Variants in VPS39 observed in about 807,000 individuals in gnomAD.
VPS39 encodes VPS39 subunit of HOPS complex.
A neutral mutation model predicts 121.0 loss-of-function variants in VPS39; 70 were observed. The ratio of observed to expected loss-of-function variants is 0.58; its 90% confidence interval spans 0.48 to 0.71. The LOEUF (loss-of-function observed/expected upper bound fraction) is 0.71. VPS39 is among the 30% of genes least tolerant of loss of function. The pLI is 0.00. For missense variants in VPS39, 818 were observed against 1,051.5 expected (o/e 0.78, Z 3.07); for synonymous variants, 378 against 398.1 (o/e 0.95, Z 0.60).
intron 11 of VPS39, 141 bp from the exon 12 acceptor site, chr15:42,170,007 A>C: frequency 2.0e-6 from 2 of 1,000,964 alleles, no homozygotes; most frequent in South Asian, 2.6e-5. Context: ...TAAACATTCA[A>C]CGAGCTGTAG....
intron 17 of VPS39, 171 bp from the exon 18 acceptor site, chr15:42,165,284 G>A (rs1329010000): frequency 4.8e-6 from 3 of 631,060 alleles, no homozygotes; most frequent in Non-Finnish European, 8.4e-6. Context: ...GTTTCACAAT[G>A]CGACCCAGTA....
At position 42,162,496 on chromosome 15, in the gene VPS39, C is replaced by T. The variant is rs1301916394; in HGVS notation, c.2176-15G>A. 4 of 1,582,262 alleles carry T rather than the reference C, an allele frequency of 2.5e-6. No homozygotes were observed. In the African/African-American group the frequency reaches 4.0e-5, roughly 16 times the overall value. On this transcript the variant is annotated splice_polypyrimidine_tract_variant and intron_variant, in intron 21 of 24. Coordinates refer to ENST00000318006, the MANE Select transcript of VPS39 (RefSeq NM_015289.5). ...GACAGATACACCTGTCTCAGAGAGACATGAGCTACGTCAGGCTGGCAGCAA... is the reference window on the plus strand; with the variant it reads ...GACAGATACACCTGTCTCAGAGAGATATGAGCTACGTCAGGCTGGCAGCAA...
Position 42,187,820 on chromosome 15 carries a change from CA to C in VPS39, c.378del (p.Cys126TrpfsTer4). ...AGCTGCAGCTTCTTTTTTACTGCCA[CA>C]CACATCCGTAACACCTCCTCACCGG... is the stretch of plus-strand genomic sequence containing the variant. ...TETGEEVLRM[C>X]VAVKKKLQLY... On this transcript the variant is annotated frameshift_variant, in exon 6 of 25. Coordinates refer to ENST00000318006, the MANE Select transcript of VPS39 (RefSeq NM_015289.5). LOFTEE classifies it high-confidence loss of function. 1 of 1,614,188 alleles carries C rather than the reference CA, an allele frequency of 6.2e-7. No homozygotes were observed. Among genetic ancestry groups the C allele is most frequent in the Non-Finnish European group, 8.5e-7 (1 of 1,180,032 alleles).
At chr15:42,166,023 C>T (rs1294504014) in intron 16 of VPS39, 136 bp downstream of exon 16, 2 of 1,038,950 alleles carry the variant, frequency 1.9e-6, no homozygotes, top group Non-Finnish European at 1.5e-6. Flanking sequence ...CTGGCTCGCG[C>T]TTCCCAGTCC....
At chr15:42,169,590 C>T (rs1473169226) in intron 12 of VPS39, 134 bp downstream of exon 12, 29 of 1,005,464 alleles carry the variant, frequency 2.9e-5, no homozygotes, top group Non-Finnish European at 3.8e-5. Context: ...AGAAACTTTA[C>T]CCCAGGCAGA....
chr15:42,207,291 T>C (rs2140898488), intron 1 of VPS39, among the ~76,000 whole-genome samples: 1 of 152,310 alleles, frequency 6.6e-6, no homozygotes, highest in Non-Finnish European at 1.5e-5. Flanking sequence ...AGAGGAAAGT[T>C]AGAAATGATT....
chr15:42,179,815 C>G (rs2049544249), intron 8 of VPS39, among the ~76,000 whole-genome samples: 1 of 152,024 alleles, frequency 6.6e-6, no homozygotes, highest in African/African-American at 2.4e-5. Flanking sequence ...TATTCCCTCC[C>G]CAACTTATGC....
At chr15:42,166,491 A>T (rs2049244905) in intron 15 of VPS39, 72 bp downstream of exon 15, 1 of 1,551,114 alleles carries the variant, frequency 6.4e-7, no homozygotes. Flanking sequence ...AACCAACCAG[A>T]AACAGAAACA....
At chr15:42,186,673 T>C (rs900494928) in intron 7 of VPS39, among the ~76,000 whole-genome samples, 1 of 152,218 alleles carries the variant, frequency 6.6e-6, no homozygotes, top group Non-Finnish European at 1.5e-5. Context: ...AACAATTGTA[T>C]AGCATAGTAT....
intron 8 of VPS39, among the ~76,000 whole-genome samples, chr15:42,180,131 CTG>C (rs3035817): frequency 0.13 from 19,862 of 152,124 alleles, 1,580 homozygotes; most frequent in South Asian, 0.24. Context: ...ATTACCTAGT[CTG>C]TGGTATTCTG....
In VPS39 at chr15:42,160,405, A is replaced by G; in HGVS notation, c.*349T>C. 3.5e-6 allele frequency: 1 copy of G among 286,906 alleles called. No homozygotes were observed. The highest frequency in any genetic ancestry group is 6.8e-6 in the Non-Finnish European group (1 of 146,678). 17.8% of individuals were successfully genotyped at this position (286,906 alleles called of 1,614,324 possible). A position where few individuals can be genotyped will look rare whatever the true frequency, so the allele number is the denominator to read the frequency against. On this transcript the variant is annotated 3_prime_UTR_variant, in exon 25 of 25. Transcript: ENST00000318006. ...CATGTACTTAATAGAAAAGCCCTTG[A>G]TGAACAACCCCATGGTTACAAACAC...
At chr15:42,179,470 G>A (rs1385504754) in intron 8 of VPS39, among the ~76,000 whole-genome samples, 1 of 150,946 alleles carries the variant, frequency 6.6e-6, no homozygotes, top group East Asian at 1.9e-4. Flanking sequence ...CCAGCTACTC[G>A]GGAGGCTGAG....
At chr15:42,178,124 T>C in intron 10 of VPS39, 94 bp downstream of exon 10, 3 of 1,561,788 alleles carry the variant, frequency 1.9e-6, no homozygotes, top group African/African-American at 1.4e-5. Context: ...TATGTGCTTA[T>C]TCTACTAACC....
In VPS39 at chr15:42,167,390, T is replaced by C. The variant is rs758527130; in HGVS notation, c.1377+4A>G. 3 of 1,614,016 alleles carry C rather than the reference T, an allele frequency of 1.9e-6. 1 individual carries two copies. The South Asian group carries it at 3.3e-5, about 18-fold the overall frequency. On this transcript the variant is annotated splice_donor_region_variant and intron_variant, in intron 13 of 24. Transcript: ENST00000318006. ...TGTGGCACCCGAGCGCTCAGGTAAC[T>C]CACATGGAGATAGCACTTGAGCAGG...
At position 42,199,885 on chromosome 15, in the gene VPS39, T is replaced by C; in HGVS notation, c.139+11A>G. 1 of 1,580,460 alleles carries C rather than the reference T, an allele frequency of 6.3e-7. No homozygotes were observed. Among genetic ancestry groups the C allele is most frequent in the Non-Finnish European group, 8.6e-7 (1 of 1,169,412 alleles). ...AAAACTTATTTTTTTGCATGAGCAA[T>C]GTGCACTTACCAACGTCCTTCCGAA... On this transcript the variant is annotated intron_variant, in intron 2 of 24. Transcript: ENST00000318006.
At chr15:42,199,134 T>C (rs1402248516) in intron 2 of VPS39, among the ~76,000 whole-genome samples, 2 of 152,158 alleles carry the variant, frequency 1.3e-5, no homozygotes, top group Non-Finnish European at 2.9e-5. Context: ...TGCAGATTTC[T>C]GTAGAGTGGC....
intron 1 of VPS39, among the ~76,000 whole-genome samples, chr15:42,204,106 C>A (rs772516409): frequency 2.6e-5 from 4 of 152,238 alleles, no homozygotes; most frequent in East Asian, 3.8e-4. Context: ...TGCAGTCCAA[C>A]TTCATGTAAT....
Position 42,208,221 on chromosome 15 carries a change from C to T in VPS39, c.-68G>A. The T allele has an allele frequency of 6.5e-7, 1 of 1,544,892 alleles. No individual in the cohort carries two copies. Among genetic ancestry groups the T allele is most frequent in the Non-Finnish European group, 8.8e-7 (1 of 1,142,494 alleles). On this transcript the variant is annotated 5_prime_UTR_variant, in exon 1 of 25. Coordinates refer to ENST00000318006, the MANE Select transcript of VPS39 (RefSeq NM_015289.5). Reference sequence around the variant, plus strand: ...TTCCGGGCCGGGCTGGGGTCCGGAACGAGTCTGGGCTAAGGGTAGACCGGG... The same window carrying T: ...TTCCGGGCCGGGCTGGGGTCCGGAATGAGTCTGGGCTAAGGGTAGACCGGG...
At chr15:42,175,946 G>A (rs893033110) in intron 10 of VPS39, among the ~76,000 whole-genome samples, 1 of 152,080 alleles carries the variant, frequency 6.6e-6, no homozygotes, top group Admixed American at 6.5e-5. Context: ...AGCCCACAGC[G>A]AACTGTCCCT....
Sources: gnomAD v4.1 joint callset for allele counts (sites outside exome capture counted in the v4.1 genomes callset) on GRCh38, gnomAD v4.1.1 for gene constraint, MANE v1.5 for transcripts, NCBI Gene and HGNC (gene_info 2026-07-23, HGNC 2026-07-21) for gene names.